The following EPS15L1 variants were observed in gnomAD, a reference collection of about 807,000 sequenced individuals.
The protein encoded by EPS15L1 is epidermal growth factor receptor substrate 15-like 1.
In EPS15L1, 43 loss-of-function variants were observed where a neutral mutation model predicts 117.1. The ratio of observed to expected loss-of-function variants is 0.37; its 90% CI spans 0.29 to 0.47. EPS15L1 has a LOEUF of 0.47. Among genes scored for constraint, EPS15L1 ranks in the 20% least tolerant of loss-of-function variants. The pLI, the probability that EPS15L1 is intolerant of heterozygous loss-of-function variation, is 0.99. For missense variants in EPS15L1, 981 were observed against 1,164.0 expected (o/e 0.84, Z 2.29); for synonymous variants, 459 against 470.5 (o/e 0.98, Z 0.32).
intron 7 of EPS15L1, among the ~76,000 whole-genome samples, chr19:16,433,436 C>T (rs529149060): frequency 6.6e-6 from 1 of 152,048 alleles, no homozygotes; most frequent in South Asian, 2.1e-4. Flanking sequence ...CAGGCTAAGA[C>T]TTTCTTTAAA....
At chr19:16,387,323 G>A (rs2092430204) in intron 19 of EPS15L1, among the ~76,000 whole-genome samples, 1 of 152,196 alleles carries the variant, frequency 6.6e-6, no homozygotes, top group Admixed American at 6.5e-5. Context: ...AATTGGCCAG[G>A]CGGGCAAGGC....
intron 19 of EPS15L1, among the ~76,000 whole-genome samples, chr19:16,390,584 T>A (rs12459477): frequency 2.6e-5 from 4 of 152,134 alleles, no homozygotes; most frequent in African/African-American, 9.7e-5. Context: ...TTCACCAACA[T>A]AGGCCACAAA....
chr19:16,430,011 A>G (rs986033267), intron 7 of EPS15L1, among the ~76,000 whole-genome samples: 1 of 152,234 alleles, frequency 6.6e-6, no homozygotes, highest in Non-Finnish European at 1.5e-5. Context: ...GTCCCCAGAC[A>G]TTGCCCAATG....
Position 16,448,272 on chromosome 19 carries a change from T to G in EPS15L1, c.34-6053A>C, listed in dbSNP as rs758909838. 1.3e-4 allele frequency among the ~76,000 whole-genome samples: 20 copies of G among 152,192 alleles called. 1 individual carries two copies. Among genetic ancestry groups the G allele is most frequent in the South Asian group, 1.0e-3 (5 of 4,834 alleles). On this transcript the variant is annotated intron_variant, in intron 1 of 23. Transcript: ENST00000455140. Reference sequence around the variant, plus strand: ...AAGGCCTGGCGTGGTGGTTCATGCCTGTAATCCCAGCACTTTGGGAGGCCG... The same window carrying G: ...AAGGCCTGGCGTGGTGGTTCATGCCGGTAATCCCAGCACTTTGGGAGGCCG...
chr19:16,382,485 A>G (rs1026427869), intron 21 of EPS15L1, among the ~76,000 whole-genome samples: 5 of 152,234 alleles, frequency 3.3e-5, no homozygotes, highest in African/African-American at 1.2e-4. Context: ...AACACGTTTG[A>G]GTTCACCAGT....
chr19:16,389,420 C>CTTCA (rs1362288631), intron 19 of EPS15L1, among the ~76,000 whole-genome samples: 2 of 152,142 alleles, frequency 1.3e-5, no homozygotes, highest in Non-Finnish European at 2.9e-5. Flanking sequence ...CACCACTGCA[C>CTTCA]TTCAGCCTGG....
chr19:16,427,517 G>A (rs921071899), intron 8 of EPS15L1, among the ~76,000 whole-genome samples: 1 of 152,146 alleles, frequency 6.6e-6, no homozygotes, highest in African/African-American at 2.4e-5. Context: ...TCTGGTTTCA[G>A]ACTTTCAGAT....
chr19:16,447,363 A>C (rs1026283017), intron 1 of EPS15L1, among the ~76,000 whole-genome samples: 1 of 152,214 alleles, frequency 6.6e-6, no homozygotes, highest in Non-Finnish European at 1.5e-5. Flanking sequence ...TCCAAATCAC[A>C]AGGAAAAAGA....
chr19:16,374,408 C>T (rs1048139440), intron 22 of EPS15L1, among the ~76,000 whole-genome samples: 6 of 152,196 alleles, frequency 3.9e-5, no homozygotes, highest in African/African-American at 1.4e-4. Context: ...CCCCCTGGGT[C>T]TCAAATTGTG....
chr19:16,400,561 T>C, intron 16 of EPS15L1: 3 of 841,760 alleles, frequency 3.6e-6, no homozygotes, highest in South Asian at 1.1e-4. Flanking sequence ...TGAAGCAGTC[T>C]TGAAGTGTTC....
rs1166860076 is a variant in EPS15L1 at position 16,420,972 on chromosome 19, C to G, written c.950+347G>C. ...GGCTCCAAGGCCCTGCTGCCCGCACCTCCCGGAGGCGGCTGTGACAAAGTC... is the reference window on the plus strand; with the variant it reads ...GGCTCCAAGGCCCTGCTGCCCGCACGTCCCGGAGGCGGCTGTGACAAAGTC... On this transcript the variant is annotated intron_variant, in intron 10 of 23. Coordinates refer to ENST00000455140, the MANE Select transcript of EPS15L1 (RefSeq NM_001258374.3). 3.3e-5 allele frequency among the ~76,000 whole-genome samples: 5 copies of G among 152,370 alleles called. No individual in the cohort carries two copies. The South Asian group carries it at 1.0e-3, about 32-fold the overall frequency.
chr19:16,464,995 C>T lies in EPS15L1; in HGVS notation c.33+6918G>A, dbSNP rs112613043. ...GCAGGAGGCTGAGGCAGTAGAATGGCATGAACCCAGGAGGCGGAGCTTGCA... is the reference window on the plus strand; with the variant it reads ...GCAGGAGGCTGAGGCAGTAGAATGGTATGAACCCAGGAGGCGGAGCTTGCA... On this transcript the variant is annotated intron_variant, in intron 1 of 23. Coordinates refer to ENST00000455140, the MANE Select transcript of EPS15L1 (RefSeq NM_001258374.3). Among the ~76,000 whole-genome samples the T allele has an allele frequency of 8.2e-3, 1,250 of 151,714 alleles. 19 individuals carry two copies. Among genetic ancestry groups the T allele is most frequent in the African/African-American group, 0.029 (1,209 of 41,318 alleles).
At chr19:16,465,681 C>G (rs1815316484) in intron 1 of EPS15L1, among the ~76,000 whole-genome samples, 1 of 152,062 alleles carries the variant, frequency 6.6e-6, no homozygotes, top group Non-Finnish European at 1.5e-5. Flanking sequence ...GAGCCTGTCT[C>G]TAAAGGAAAA....
intron 1 of EPS15L1, among the ~76,000 whole-genome samples, chr19:16,443,240 T>C (rs528993964): frequency 1.1e-4 from 17 of 152,252 alleles, no homozygotes; most frequent in African/African-American, 4.1e-4. Flanking sequence ...AGGACTATCT[T>C]GGGGGCAGGA....
intron 16 of EPS15L1, among the ~76,000 whole-genome samples, chr19:16,399,356 C>T (rs777271186): frequency 3.3e-5 from 5 of 152,268 alleles, no homozygotes; most frequent in African/African-American, 9.6e-5. Flanking sequence ...TTGGGGGACA[C>T]GAGTACAGCA....
intron 8 of EPS15L1, among the ~76,000 whole-genome samples, chr19:16,426,697 G>A (rs1053221590): frequency 3.9e-5 from 6 of 152,230 alleles, no homozygotes; most frequent in East Asian, 1.9e-4. Context: ...CACGAAGAGC[G>A]ATGGAGGAAC....
At chr19:16,414,896 G>T in intron 12 of EPS15L1, among the ~76,000 whole-genome samples, 1 of 151,680 alleles carries the variant, frequency 6.6e-6, no homozygotes, top group East Asian at 1.9e-4. Context: ...TTTTGTAGCC[G>T]AGGTCTCAAT....
intron 1 of EPS15L1, among the ~76,000 whole-genome samples, chr19:16,453,846 T>TA (rs1274698121): frequency 7.7e-6 from 1 of 130,428 alleles, no homozygotes; most frequent in Non-Finnish European, 1.7e-5. Context: ...GTATCTACAA[T>TA]AAAAAAAGCT....
At chr19:16,402,937 G>C (rs952735521) in intron 15 of EPS15L1, among the ~76,000 whole-genome samples, 4 of 152,180 alleles carry the variant, frequency 2.6e-5, no homozygotes, top group African/African-American at 9.6e-5. Context: ...AGGGTTAGAA[G>C]AGAAAACACT....
Sources: gnomAD v4.1 joint callset for allele counts (sites outside exome capture counted in the v4.1 genomes callset) on GRCh38, gnomAD v4.1.1 for gene constraint, MANE v1.5 for transcripts, NCBI Gene and HGNC (gene_info 2026-07-23, HGNC 2026-07-21) for gene names.